C19orf12: variants seen among roughly 807,000 people sequenced by gnomAD.
The protein encoded by C19orf12 is chromosome 19 open reading frame 12, also known as protein C19orf12.
Under a neutral mutation model 3.8 loss-of-function variants are expected in C19orf12, and 2 were observed. The observed-to-expected ratio is 0.53, with a 90% CI of 0.22 to 1.66. C19orf12 has a LOEUF of 1.66. C19orf12 is among the 40% of genes most tolerant of loss of function. C19orf12 has a pLI of 0.20. For missense variants in C19orf12, 156 were observed against 188.8 expected (o/e 0.83, Z 1.02); for synonymous variants, 89 against 84.6 (o/e 1.05, Z -0.28).
rs1485597261 is a variant in C19orf12 at position 29,702,730 on chromosome 19, C to T, written c.408G>A (p.Glu136=). 1 of 1,613,850 alleles carries T rather than the reference C, an allele frequency of 6.2e-7. No homozygotes were observed. Among genetic ancestry groups the T allele is most frequent in the Non-Finnish European group, 8.5e-7 (1 of 1,180,016 alleles). The change falls in exon 3 of 3, where the codon GAG becomes GAA. Residue 136 remains glutamate, a synonymous_variant. Transcript: ENST00000323670. The part of the protein sequence containing the change: ...VNYVTKELRA[E]IQYDD ...GTGCGGCCTAGTCATCATACTGGAT[C>T]TCGGCCCGCAGCTCCTTGGTGACGT...
chr19:29,701,300 G>A lies in C19orf12; in HGVS notation c.*1412C>T, dbSNP rs757859647. ...ACTGCAACCTCAACCCTCAGACACC[G>A]ACATCTGAGGATGCTCAAGTCCCTG... On this transcript the variant is annotated 3_prime_UTR_variant, in exon 3 of 3. Transcript: ENST00000323670. 3.5e-5 allele frequency: 16 copies of A among 454,006 alleles called. No homozygotes were observed. Among genetic ancestry groups the A allele is most frequent in the East Asian group, 1.4e-4 (2 of 14,410 alleles). The allele number at this position is 454,006 out of a possible 1,614,324, so 28.1% of individuals were successfully genotyped here.
At chr19:29,711,126 G>A (rs1972654061) in intron 1 of C19orf12, among the ~76,000 whole-genome samples, 1 of 129,000 alleles carries the variant, frequency 7.8e-6, no homozygotes, top group South Asian at 2.7e-4. Flanking sequence ...TGCAGCCTCC[G>A]CCTCCCACGT....
At chr19:29,712,554 C>A (rs1016242828) in intron 1 of C19orf12, among the ~76,000 whole-genome samples, 1 of 152,174 alleles carries the variant, frequency 6.6e-6, no homozygotes, top group Non-Finnish European at 1.5e-5. Flanking sequence ...AAGAAATAAG[C>A]AACATGGAGT....
At chr19:29,714,221 G>C (rs929452955) in intron 1 of C19orf12, among the ~76,000 whole-genome samples, 6 of 152,090 alleles carry the variant, frequency 3.9e-5, no homozygotes, top group African/African-American at 1.4e-4. Context: ...AAAATTGGTC[G>C]GGGTGGCTCA....
In C19orf12 at chr19:29,700,288, A is replaced by T. The variant is rs1972015438; in HGVS notation, c.*2424T>A. On this transcript the variant is annotated 3_prime_UTR_variant, in exon 3 of 3. Transcript: ENST00000323670. Reference sequence around the variant, plus strand: ...CGATTGTTCCAGAAGGATTTGCTGTAAGCAACCGGAGAAGTTGGCATTTGT... The same window carrying T: ...CGATTGTTCCAGAAGGATTTGCTGTTAGCAACCGGAGAAGTTGGCATTTGT... The T allele has an allele frequency of 2.2e-6, 1 of 454,022 alleles. No homozygotes were observed. The highest frequency in any genetic ancestry group is 4.4e-6 in the Non-Finnish European group (1 of 226,792). The allele number at this position is 454,022 out of a possible 1,614,324, so 28.1% of individuals were successfully genotyped here.
upstream of C19orf12, chr19:29,715,525 C>G: frequency 3.4e-6 from 1 of 292,452 alleles, no homozygotes; most frequent in Non-Finnish European, 7.2e-6. Flanking sequence ...CTGCCTTTCT[C>G]CCACGCGCAC....
At chr19:29,714,649 C>T (rs979938599) in intron 1 of C19orf12, among the ~76,000 whole-genome samples, 21 of 151,820 alleles carry the variant, frequency 1.4e-4, no homozygotes, top group African/African-American at 5.1e-4. Flanking sequence ...TCAGGATCCG[C>T]TTCACATTTA....
chr19:29,706,283 T>G (rs537006957), intron 2 of C19orf12, among the ~76,000 whole-genome samples: 32 of 152,364 alleles, frequency 2.1e-4, no homozygotes, highest in African/African-American at 7.7e-4. Context: ...TAAACCTTTA[T>G]GAGAACATCA....
intron 2 of C19orf12, 37 bp from the exon 3 acceptor site, chr19:29,703,014 T>C (rs773733003): frequency 3.7e-6 from 6 of 1,613,754 alleles, no homozygotes; most frequent in Non-Finnish European, 4.2e-6. Context: ...GTGGGTCTTA[T>C]TCATAAGCGA....
chr19:29,709,619 T>C (rs1972567661), intron 1 of C19orf12, among the ~76,000 whole-genome samples: 1 of 150,294 alleles, frequency 6.7e-6, no homozygotes, highest in Non-Finnish European at 1.5e-5. Flanking sequence ...AGCCTTGACC[T>C]CCTGGGCTCA....
At position 29,700,223 on chromosome 19, in the gene C19orf12, G is replaced by A. The variant is rs949082084; in HGVS notation, c.*2489C>T. 1 of 454,110 alleles carries A rather than the reference G, an allele frequency of 2.2e-6. No homozygotes were observed. The highest frequency in any genetic ancestry group is 4.4e-6 in the Non-Finnish European group (1 of 226,798). 28.1% of individuals were successfully genotyped at this position (454,110 alleles called of 1,614,324 possible). A position where few individuals can be genotyped will look rare whatever the true frequency, so the allele number is the denominator to read the frequency against. On this transcript the variant is annotated 3_prime_UTR_variant, in exon 3 of 3. Coordinates refer to ENST00000323670, the MANE Select transcript of C19orf12 (RefSeq NM_031448.6). The stretch of plus-strand genomic sequence containing the variant: ...ACCTGATGCACGAGTAAGAATGAAT[G>A]GGGCCCAATCGCCTAACAAAGGCAA...
intron 1 of C19orf12, among the ~76,000 whole-genome samples, chr19:29,713,965 TCC>T (rs1465393913): frequency 1.4e-5 from 2 of 146,276 alleles, no homozygotes; most frequent in East Asian, 4.1e-4. Context: ...TTTCCTTCCT[TCC>T]TTCCTTCCTT....
At chr19:29,709,809 C>T (rs1178441468) in intron 1 of C19orf12, among the ~76,000 whole-genome samples, 1 of 152,084 alleles carries the variant, frequency 6.6e-6, no homozygotes, top group Non-Finnish European at 1.5e-5. Context: ...GGATTACAGG[C>T]GTGAGCCACT....
upstream of C19orf12, chr19:29,715,354 TA>T: frequency 2.5e-6 from 1 of 394,890 alleles, no homozygotes; most frequent in South Asian, 1.7e-5. Flanking sequence ...CGCCCGGCCT[TA>T]GGGGGAGCCG....
chr19:29,714,945 T>C lies in C19orf12; in HGVS notation c.-11+180A>G, dbSNP rs918208740. Reference sequence around the variant, plus strand: ...GCCTCTCCATGCCTCAGTTTCTCCATAGGGACAATGACTACACTAACAGTG... The same window carrying C: ...GCCTCTCCATGCCTCAGTTTCTCCACAGGGACAATGACTACACTAACAGTG... On this transcript the variant is annotated intron_variant, in intron 1 of 2. Coordinates refer to ENST00000323670, the MANE Select transcript of C19orf12 (RefSeq NM_031448.6). 3.9e-5 allele frequency: 27 copies of C among 699,232 alleles called. 1 individual carries two copies. The highest frequency in any genetic ancestry group is 2.5e-4 in the East Asian group (9 of 35,766). 43.3% of individuals were successfully genotyped at this position (699,232 alleles called of 1,614,324 possible). A position where few individuals can be genotyped will look rare whatever the true frequency, so the allele number is the denominator to read the frequency against.
rs979867150 is a variant in C19orf12, at chr19:29,700,303, T to G, written c.*2409A>C. ...GATTTGCTGTAAGCAACCGGAGAAGTTGGCATTTGTTCAACATGGAAAAAG... is the reference window on the plus strand; with the variant it reads ...GATTTGCTGTAAGCAACCGGAGAAGGTGGCATTTGTTCAACATGGAAAAAG... On this transcript the variant is annotated 3_prime_UTR_variant, in exon 3 of 3. Coordinates refer to ENST00000323670, the MANE Select transcript of C19orf12 (RefSeq NM_031448.6). The G allele has an allele frequency of 6.6e-6, 3 of 454,034 alleles. No homozygotes were observed. Among genetic ancestry groups the G allele is most frequent in the African/African-American group, 4.0e-5 (2 of 50,008 alleles). The allele number at this position is 454,034 out of a possible 1,614,324, so 28.1% of individuals were successfully genotyped here.
In C19orf12 at chr19:29,700,968, G is replaced by C. The variant is rs1157794067; in HGVS notation, c.*1744C>G. The C allele has an allele frequency of 2.2e-6, 1 of 453,864 alleles. No homozygotes were observed. The allele number at this position is 453,864 out of a possible 1,614,324, so 28.1% of individuals were successfully genotyped here. A position where few individuals can be genotyped will look rare whatever the true frequency, so the allele number is the denominator to read the frequency against. On this transcript the variant is annotated 3_prime_UTR_variant, in exon 3 of 3. Coordinates refer to ENST00000323670, the MANE Select transcript of C19orf12 (RefSeq NM_031448.6). Reference sequence around the variant, plus strand: ...ATGGAGGTCTCACTATATTGCCCAGGCTAGTTTCAAACTCTTGGCCTCAAG... The same window carrying C: ...ATGGAGGTCTCACTATATTGCCCAGCCTAGTTTCAAACTCTTGGCCTCAAG...
chr19:29,700,258 A>G lies in C19orf12; in HGVS notation c.*2454T>C. On this transcript the variant is annotated 3_prime_UTR_variant, in exon 3 of 3. Coordinates refer to ENST00000323670, the MANE Select transcript of C19orf12 (RefSeq NM_031448.6). Reference sequence around the variant, plus strand: ...CGCCTAACAAAGGCAACTCAATTTCAGCCCCGATTGTTCCAGAAGGATTTG... The same window carrying G: ...CGCCTAACAAAGGCAACTCAATTTCGGCCCCGATTGTTCCAGAAGGATTTG... The G allele has an allele frequency of 2.2e-6, 1 of 454,090 alleles. No homozygotes were observed. The highest frequency in any genetic ancestry group is 4.4e-6 in the Non-Finnish European group (1 of 226,766). 28.1% of individuals were successfully genotyped at this position (454,090 alleles called of 1,614,324 possible). A position where few individuals can be genotyped will look rare whatever the true frequency, so the allele number is the denominator to read the frequency against.
At chr19:29,711,036 G>GTTTTTTTTT (rs781530564) in intron 1 of C19orf12, among the ~76,000 whole-genome samples, 4 of 98,274 alleles carry the variant, frequency 4.1e-5, no homozygotes, top group African/African-American at 8.6e-5. Context: ...ATACAGAGAG[G>GTTTTTTTTT]TTTTTTTTTT....
Sources: gnomAD v4.1 joint callset for allele counts (sites outside exome capture counted in the v4.1 genomes callset) on GRCh38, gnomAD v4.1.1 for gene constraint, MANE v1.5 for transcripts, NCBI Gene and HGNC (gene_info 2026-07-23, HGNC 2026-07-21) for gene names.